PDZRN3: variants seen among roughly 807,000 people sequenced by gnomAD.
PDZRN3 encodes the protein E3 ubiquitin-protein ligase PDZRN3.
PDZRN3 carries 38 observed loss-of-function variants against 85.7 expected under a neutral mutation model. The ratio of observed to expected loss-of-function variants is 0.44; its 90% CI spans 0.34 to 0.58. The LOEUF is 0.58. Ranked by LOEUF, PDZRN3 falls within the 20% of genes least tolerant of loss-of-function variation. PDZRN3 has a pLI of 0.01. For synonymous variants in PDZRN3, 759 were observed against 638.0 expected, an observed-to-expected ratio of 1.19 and a Z score of -2.86; for missense variants, 1,629 against 1,506.4, an observed-to-expected ratio of 1.08 and a Z score of -1.35.
At chr3:73,611,067 T>C (rs1039112676) in intron 1 of PDZRN3, among the ~76,000 whole-genome samples, 1 of 152,186 alleles carries the variant, frequency 6.6e-6, no homozygotes, top group African/African-American at 2.4e-5. Context: ...TTCAGACCCA[T>C]ACTTCCCAAT....
intron 3 of PDZRN3, among the ~76,000 whole-genome samples, chr3:73,453,145 T>G (rs1872960): frequency 6.6e-6 from 1 of 151,934 alleles, no homozygotes; most frequent in African/African-American, 2.4e-5. Context: ...TGGTAGCTCA[T>G]GCCTGTAATC....
intron 3 of PDZRN3, among the ~76,000 whole-genome samples, chr3:73,535,857 C>G (rs1161464453): frequency 6.6e-6 from 1 of 152,176 alleles, no homozygotes; most frequent in Non-Finnish European, 1.5e-5. Context: ...ACAAGCAAAG[C>G]AGACTCTAGC....
At chr3:73,499,514 T>TGCC (rs1703934092) in intron 3 of PDZRN3, among the ~76,000 whole-genome samples, 1 of 152,182 alleles carries the variant, frequency 6.6e-6, no homozygotes, top group Non-Finnish European at 1.5e-5. Context: ...TCTGCTACTA[T>TGCC]TCGTGTAAGG....
At chr3:73,595,661 A>T (rs538410460) in intron 3 of PDZRN3, among the ~76,000 whole-genome samples, 4 of 152,316 alleles carry the variant, frequency 2.6e-5, no homozygotes, top group African/African-American at 9.6e-5. Flanking sequence ...TAATTCACTG[A>T]TAACATCTAA....
chr3:73,530,978 T>C (rs183236181), intron 3 of PDZRN3, among the ~76,000 whole-genome samples: 262 of 152,104 alleles, frequency 1.7e-3, no homozygotes, highest in African/African-American at 6.0e-3. Context: ...TGGCCAGGCG[T>C]GGTGGCTCAC....
intron 3 of PDZRN3, among the ~76,000 whole-genome samples, chr3:73,483,934 GA>G (rs1195214480): frequency 1.3e-5 from 2 of 152,116 alleles, no homozygotes; most frequent in African/African-American, 4.8e-5. Flanking sequence ...TACCCATTAG[GA>G]AAATATATAT....
intron 3 of PDZRN3, among the ~76,000 whole-genome samples, chr3:73,444,484 G>A (rs569033784): frequency 3.9e-5 from 6 of 152,288 alleles, no homozygotes; most frequent in East Asian, 1.9e-4. Flanking sequence ...AAACCCCACC[G>A]TGGTTTATGA....
chr3:73,588,176 G>A (rs1292222491), intron 3 of PDZRN3, among the ~76,000 whole-genome samples: 3 of 152,042 alleles, frequency 2.0e-5, no homozygotes, highest in African/African-American at 7.2e-5. Flanking sequence ...GAGTGAGAAC[G>A]TGCAGTATTT....
chr3:73,572,482 C>G lies in PDZRN3; in HGVS notation c.918+29872G>C, dbSNP rs550796999. Among the ~76,000 whole-genome samples, 9 of 152,276 alleles carry G rather than the reference C, an allele frequency of 5.9e-5. No homozygotes were observed. The South Asian group carries it at 6.2e-4, about 11-fold the overall frequency. On this transcript the variant is annotated intron_variant, in intron 3 of 9. Transcript: ENST00000263666. ...GGTTCCTTGGAGTGTATTCCTCTAC[C>G]CTGGGCCTTAAAACTTCACATGTAT... is the stretch of plus-strand genomic sequence containing the variant.
At chr3:73,504,236 A>C (rs989476152) in intron 3 of PDZRN3, among the ~76,000 whole-genome samples, 2 of 152,234 alleles carry the variant, frequency 1.3e-5, no homozygotes, top group Non-Finnish European at 2.9e-5. Context: ...GGTGTAACAA[A>C]TGAACTCACA....
intron 3 of PDZRN3, among the ~76,000 whole-genome samples, chr3:73,542,441 T>G (rs1332187784): frequency 1.3e-5 from 2 of 152,168 alleles, no homozygotes; most frequent in Non-Finnish European, 2.9e-5. Flanking sequence ...TGTAAACAAG[T>G]CTTCCACGTG....
chr3:73,622,994 T>A (rs1314547032), intron 1 of PDZRN3, among the ~76,000 whole-genome samples: 1 of 152,108 alleles, frequency 6.6e-6, no homozygotes, highest in East Asian at 1.9e-4. Flanking sequence ...AAACTGCCCC[T>A]TAATGAGCCT....
intron 3 of PDZRN3, among the ~76,000 whole-genome samples, chr3:73,589,399 A>C (rs1389307401): frequency 1.3e-5 from 2 of 152,192 alleles, no homozygotes; most frequent in Admixed American, 6.5e-5. Flanking sequence ...AGCAACGAAC[A>C]CTTGTTATGG....
chr3:73,385,086 C>T (rs1290899130), intron 9 of PDZRN3, among the ~76,000 whole-genome samples, 156 bp from the exon 10 acceptor site: 1 of 152,176 alleles, frequency 6.6e-6, no homozygotes, highest in African/African-American at 2.4e-5. Flanking sequence ...ATAGCGTGGG[C>T]CTTAGCTACA....
chr3:73,396,449 G>A (rs1701638549), intron 5 of PDZRN3, among the ~76,000 whole-genome samples: 1 of 152,126 alleles, frequency 6.6e-6, no homozygotes, highest in South Asian at 2.1e-4. Context: ...AATCCAGGAT[G>A]GGGCTGACCA....
intron 3 of PDZRN3, 124 bp from the exon 4 acceptor site, chr3:73,404,519 G>A: frequency 9.8e-7 from 1 of 1,017,276 alleles, no homozygotes; most frequent in Non-Finnish European, 1.4e-6. Context: ...TGGTGTCAGA[G>A]AACTTCAGTT....
At chr3:73,568,189 G>A (rs1278791239) in intron 3 of PDZRN3, among the ~76,000 whole-genome samples, 1 of 152,008 alleles carries the variant, frequency 6.6e-6, no homozygotes, top group Non-Finnish European at 1.5e-5. Context: ...GCCACCTCAG[G>A]GATCTCATCT....
chr3:73,521,875 G>C (rs919574844), intron 3 of PDZRN3, among the ~76,000 whole-genome samples: 1 of 152,082 alleles, frequency 6.6e-6, no homozygotes, highest in Non-Finnish European at 1.5e-5. Flanking sequence ...TAGAAGCAGT[G>C]GTTGCATGCA....
intron 3 of PDZRN3, among the ~76,000 whole-genome samples, chr3:73,577,867 C>T (rs1048928603): frequency 4.6e-5 from 7 of 152,206 alleles, no homozygotes; most frequent in African/African-American, 1.7e-4. Flanking sequence ...CAGATCTAGC[C>T]CAAAGCCTCT....
Sources: allele counts gnomAD v4.1 joint callset (sites outside exome capture counted in the v4.1 genomes callset), GRCh38; gene constraint gnomAD v4.1.1; transcripts MANE v1.5; gene names NCBI Gene and HGNC (gene_info 2026-07-23, HGNC 2026-07-21).